The following COMMD1 variants were observed in gnomAD, a reference collection of about 807,000 sequenced individuals.
COMMD1 encodes COMM domain-containing protein 1.
Under a neutral mutation model 17.2 loss-of-function variants are expected in COMMD1, and 10 were observed. The ratio of observed to expected loss-of-function variants is 0.58; its 90% CI spans 0.36 to 0.99. The LOEUF is 0.99. Among genes scored for constraint, COMMD1 ranks in the 50% least tolerant of loss-of-function variants. The probability of loss-of-function intolerance (pLI) is 0.01; values close to 1 mark genes in which losing one functional copy is unlikely to be tolerated. For synonymous variants in COMMD1, 97 were observed against 91.6 expected, an observed-to-expected ratio of 1.06 and a Z score of -0.34; for missense variants, 270 against 231.8, an observed-to-expected ratio of 1.17 and a Z score of -1.07.
At chr2:62,058,968 C>T (rs145831057) in intron 2 of COMMD1, among the ~76,000 whole-genome samples, 1,833 of 151,782 alleles carry the variant, frequency 0.012, 40 homozygotes, top group African/African-American at 0.043. Context: ...TTAGTAGAGA[C>T]GGGGTTTCTC....
intron 1 of COMMD1, among the ~76,000 whole-genome samples, chr2:61,890,990 G>A (rs1669416798): frequency 6.6e-6 from 1 of 152,144 alleles, no homozygotes; most frequent in Admixed American, 6.5e-5. Context: ...GAAACAAGTG[G>A]GTGATGAGGA....
At chr2:62,007,988 C>T (rs1429017529) in intron 2 of COMMD1, among the ~76,000 whole-genome samples, 1 of 152,038 alleles carries the variant, frequency 6.6e-6, no homozygotes, top group East Asian at 1.9e-4. Flanking sequence ...TTGAGACCAG[C>T]TTGATCAACA....
At chr2:61,961,244 A>C (rs934868754) in intron 1 of COMMD1, among the ~76,000 whole-genome samples, 1 of 152,242 alleles carries the variant, frequency 6.6e-6, no homozygotes, top group African/African-American at 2.4e-5. Context: ...AGTTATTTAT[A>C]ACCTGACACA....
chr2:61,963,190 T>TATACACACACACACACACACACAC (rs1280301014), intron 1 of COMMD1, among the ~76,000 whole-genome samples: 2 of 136,374 alleles, frequency 1.5e-5, no homozygotes, highest in African/African-American at 5.9e-5. Context: ...ATATATTATA[T>TATACACACACACACACACACACAC]ACACACACAC....
chr2:61,987,955 A>G (rs1672148607), intron 1 of COMMD1, among the ~76,000 whole-genome samples: 2 of 152,142 alleles, frequency 1.3e-5, no homozygotes, highest in Non-Finnish European at 1.5e-5. Flanking sequence ...ATCTGCCACC[A>G]TCAAAGGCCC....
At chr2:61,976,076 T>C (rs781715690) in intron 1 of COMMD1, among the ~76,000 whole-genome samples, 2 of 152,108 alleles carry the variant, frequency 1.3e-5, no homozygotes, top group African/African-American at 2.4e-5. Context: ...ACTATAAAAG[T>C]GGATTTGTCA....
upstream of COMMD1, among the ~76,000 whole-genome samples, chr2:61,903,759 C>G (rs1405270185): frequency 6.6e-6 from 1 of 151,894 alleles, no homozygotes; most frequent in African/African-American, 2.4e-5. Flanking sequence ...CCAGGCTGGT[C>G]TCGATCTCCT....
chr2:61,892,694 C>CAA (rs58162146), intron 1 of COMMD1, among the ~76,000 whole-genome samples: 7 of 110,616 alleles, frequency 6.3e-5, no homozygotes, highest in African/African-American at 1.7e-4. Flanking sequence ...AACTCTGTCT[C>CAA]AAAAAAAAAA....
chr2:61,912,765 A>G lies in COMMD1; in HGVS notation c.180+6907A>G, dbSNP rs539771030. ...AAAAAAAAAACAGTTTTATTGTAAC[A>G]TGACTACATGCTCATTTACTTATAT... On this transcript the variant is annotated intron_variant, in intron 1 of 2. Coordinates refer to ENST00000311832, the MANE Select transcript of COMMD1 (RefSeq NM_152516.4). Among the ~76,000 whole-genome samples the G allele has an allele frequency of 1.7e-4, 26 of 152,182 alleles. 2 individuals carry two copies. In the South Asian group the frequency reaches 5.4e-3, roughly 32 times the overall value.
At chr2:61,890,186 G>A (rs937948062) in intron 1 of COMMD1, among the ~76,000 whole-genome samples, 3 of 152,128 alleles carry the variant, frequency 2.0e-5, no homozygotes, top group African/African-American at 7.2e-5. Flanking sequence ...ACTTAATCTT[G>A]TAATTATGAG....
chr2:62,095,878 CAT>C (rs1267029293), intron 2 of COMMD1, among the ~76,000 whole-genome samples: 1 of 133,220 alleles, frequency 7.5e-6, no homozygotes, highest in African/African-American at 2.9e-5. Context: ...TATATATACA[CAT>C]ACACACAGGT....
At chr2:62,112,796 C>G (rs914214883) in intron 2 of COMMD1, among the ~76,000 whole-genome samples, 4 of 152,048 alleles carry the variant, frequency 2.6e-5, no homozygotes, top group African/African-American at 9.7e-5. Context: ...ACTCTTAAAT[C>G]AATGATTTTT....
intron 2 of COMMD1, among the ~76,000 whole-genome samples, chr2:62,034,056 G>A (rs1669978159): frequency 7.5e-6 from 1 of 132,532 alleles, no homozygotes; most frequent in African/African-American, 3.0e-5. Context: ...GCTGCAGTGA[G>A]CCAGCCTCAG....
At chr2:61,907,532 G>T (rs1338658068) in intron 1 of COMMD1, among the ~76,000 whole-genome samples, 2 of 152,034 alleles carry the variant, frequency 1.3e-5, no homozygotes, top group South Asian at 4.2e-4. Flanking sequence ...TCTTCTGCAG[G>T]CTAAGAAGAG....
chr2:62,068,762 C>G (rs1344850906), intron 2 of COMMD1, among the ~76,000 whole-genome samples: 1 of 150,796 alleles, frequency 6.6e-6, no homozygotes, highest in East Asian at 1.9e-4. Context: ...GTAACTGGTA[C>G]TATAGGTGCA....
intron 2 of COMMD1, among the ~76,000 whole-genome samples, chr2:62,056,917 G>T (rs1024175536): frequency 6.6e-6 from 1 of 152,182 alleles, no homozygotes; most frequent in African/African-American, 2.4e-5. Flanking sequence ...AGTCAAGGTG[G>T]AATATTCTGA....
intron 1 of COMMD1, among the ~76,000 whole-genome samples, chr2:61,972,644 C>G (rs1180226094): frequency 6.6e-6 from 1 of 152,108 alleles, no homozygotes; most frequent in South Asian, 2.1e-4. Context: ...TCTTTCTCCC[C>G]AAAACACATA....
At position 61,996,757 on chromosome 2, in the gene COMMD1, A is replaced by G. The variant is rs576244928; in HGVS notation, c.181-3944A>G. ...CAAGTTTGATCATAAGATTGCAGCAATTCAATCACATCTTCAGATTTCACT... is the reference window on the plus strand; with the variant it reads ...CAAGTTTGATCATAAGATTGCAGCAGTTCAATCACATCTTCAGATTTCACT... On this transcript the variant is annotated intron_variant, in intron 1 of 2. Coordinates refer to ENST00000311832, the MANE Select transcript of COMMD1 (RefSeq NM_152516.4). Among the ~76,000 whole-genome samples the G allele has an allele frequency of 7.2e-5, 11 of 152,316 alleles. No individual in the cohort carries two copies. In the East Asian group the frequency reaches 1.4e-3, roughly 19 times the overall value.
intron 1 of COMMD1, among the ~76,000 whole-genome samples, chr2:61,924,451 C>T (rs1034222818): frequency 4.7e-5 from 7 of 150,220 alleles, no homozygotes; most frequent in African/African-American, 7.4e-5. Context: ...TCATGCTGTT[C>T]GGTGGAGGAT....
Sources: gnomAD v4.1 joint callset for allele counts (sites outside exome capture counted in the v4.1 genomes callset) on GRCh38, gnomAD v4.1.1 for gene constraint, MANE v1.5 for transcripts, NCBI Gene and HGNC (gene_info 2026-07-23, HGNC 2026-07-21) for gene names.